NUMA1: variants seen among roughly 807,000 people sequenced by gnomAD.
The protein encoded by NUMA1 is nuclear mitotic apparatus protein 1.
Under a neutral mutation model 237.1 loss-of-function variants are expected in NUMA1, and 62 were observed. The observed-to-expected ratio is 0.26, with a 90% CI of 0.21 to 0.32. The LOEUF is 0.32. NUMA1 is among the 10% of genes least tolerant of loss of function. The pLI is 1.00. For synonymous variants in NUMA1, 1,028 were observed against 1,066.1 expected (o/e 0.96, Z 0.70); for missense variants, 2,533 against 2,666.5 (o/e 0.95, Z 1.10).
chr11:72,004,949 C>T, intron 23 of NUMA1, 133 bp from the exon 24 acceptor site: 3 of 923,626 alleles, frequency 3.2e-6, no homozygotes, highest in Non-Finnish European at 4.7e-6. Flanking sequence ...GGTAGAAAGA[C>T]ACAAGGCCTC....
At chr11:72,033,364 G>GTTTTTTTTTTTTTTTTTTTTTTTTTT in intron 3 of NUMA1, among the ~76,000 whole-genome samples, 1 of 144,672 alleles carries the variant, frequency 6.9e-6, no homozygotes, top group Admixed American at 7.0e-5. Flanking sequence ...CATGTTCTTT[G>GTTTTTTTTTTTTTTTTTTTTTTTTTT]TTTTTTTTTT....
intron 1 of NUMA1, among the ~76,000 whole-genome samples, chr11:72,073,479 A>C (rs1043742862): frequency 6.6e-6 from 1 of 152,208 alleles, no homozygotes; most frequent in Non-Finnish European, 1.5e-5. Flanking sequence ...AAGTTAGAGG[A>C]CTTGCAGAGG....
intron 13 of NUMA1, 147 bp downstream of exon 13, chr11:72,017,540 G>C: frequency 1.0e-6 from 1 of 994,846 alleles, no homozygotes. Context: ...CTAGACTGAA[G>C]CCCACAATCT....
chr11:72,018,795 C>T (rs2135194503), intron 10 of NUMA1, 28 bp downstream of exon 10: 1 of 1,600,092 alleles, frequency 6.2e-7, no homozygotes, highest in South Asian at 1.1e-5. Context: ...AGTCTATTCA[C>T]ACATCTGCCA....
intron 2 of NUMA1, chr11:72,066,859 A>G (rs1943224405): frequency 6.6e-6 from 1 of 152,238 alleles, no homozygotes; most frequent in Admixed American, 6.5e-5. Flanking sequence ...GGTACTAAAT[A>G]TGCTGCCTGA....
chr11:72,048,069 G>C (rs1942101320), intron 2 of NUMA1: 1 of 152,114 alleles, frequency 6.6e-6, no homozygotes, highest in Admixed American at 6.5e-5. Context: ...TAAGTAGTAA[G>C]TTGTCTACCT....
At chr11:72,019,015 C>T (rs377322446) in intron 9 of NUMA1, 35 bp from the exon 10 acceptor site, 20 of 1,608,652 alleles carry the variant, frequency 1.2e-5, no homozygotes, top group African/African-American at 6.7e-5. Context: ...CATTGGTAAG[C>T]GCCTAAGATC....
At chr11:72,017,272 C>A (rs1430064992) in intron 13 of NUMA1, 3 of 228,190 alleles carry the variant, frequency 1.3e-5, no homozygotes, top group Non-Finnish European at 1.8e-5. Context: ...CCAATAGTAA[C>A]AATCACAACT....
At chr11:72,030,805 T>G (rs1940205543) in intron 3 of NUMA1, among the ~76,000 whole-genome samples, 1 of 152,202 alleles carries the variant, frequency 6.6e-6, no homozygotes, top group Non-Finnish European at 1.5e-5. Context: ...TTCTCTATAT[T>G]TGGGCTGGGA....
chr11:72,031,898 G>A (rs1223426927), intron 3 of NUMA1, among the ~76,000 whole-genome samples: 7 of 151,730 alleles, frequency 4.6e-5, no homozygotes, highest in African/African-American at 1.7e-4. Flanking sequence ...GGGAGGACGA[G>A]GAGGGAGAAT....
rs1403318656 is a variant in NUMA1, at chr11:72,015,708, G to A, written c.1795C>T (p.Arg599Trp). 21 of 1,613,892 alleles carry A rather than the reference G, an allele frequency of 1.3e-5. No individual in the cohort carries two copies. The highest frequency in any genetic ancestry group is 3.3e-5 in the South Asian group (3 of 91,086). Residue 599 changes from arginine (R) to tryptophan (W), a missense_variant, in exon 15 of 27, where the codon CGG becomes TGG. By Grantham distance (101) the Arg-to-Trp change is moderately radical. Coordinates refer to ENST00000393695, the MANE Select transcript of NUMA1 (RefSeq NM_006185.4). The surrounding 1 kb of genome is among the most constrained non-coding windows in gnomAD (Gnocchi z 4.0). ...AEEREASLRE[R>W]DAALKQLEAL... Reference sequence around the variant, plus strand: ...TCCAGCTGCTTGAGAGCCGCATCCCGCTCCCTTAAGGAGGCCTCTCGCTCC... The same window carrying A: ...TCCAGCTGCTTGAGAGCCGCATCCCACTCCCTTAAGGAGGCCTCTCGCTCC...
intron 20 of NUMA1, 68 bp from the exon 21 acceptor site, chr11:72,007,503 A>AAGCTGT: frequency 6.4e-7 from 1 of 1,571,246 alleles, no homozygotes; most frequent in Non-Finnish European, 8.6e-7. Context: ...GCCCTTTTTG[A>AAGCTGT]AAGTGACCAT....
intron 17 of NUMA1, 148 bp downstream of exon 17, chr11:72,010,638 G>T (rs543414888): frequency 1.4e-6 from 1 of 729,594 alleles, no homozygotes; most frequent in Non-Finnish European, 2.3e-6. Flanking sequence ...GACACATGCA[G>T]GGGCTTCTAA....
At chr11:72,017,566 C>T (rs763547450) in intron 13 of NUMA1, 121 bp downstream of exon 13, 4 of 1,193,696 alleles carry the variant, frequency 3.4e-6, no homozygotes, top group Admixed American at 1.7e-5. Flanking sequence ...TTACAGCACA[C>T]TATTGAACCT....
At chr11:72,067,987 CCTT>C (rs1943274537) in intron 2 of NUMA1, 1 of 152,204 alleles carries the variant, frequency 6.6e-6, no homozygotes, top group African/African-American at 2.4e-5. Flanking sequence ...TTCCTGCCTA[CCTT>C]TTTTCAAACC....
intron 2 of NUMA1, chr11:72,065,475 A>C (rs1379040538): frequency 1.3e-5 from 2 of 152,228 alleles, no homozygotes; most frequent in African/African-American, 4.8e-5. Context: ...AGCAGAATAT[A>C]AAATTTTAGG....
At chr11:72,003,737 G>A (rs1279933631) in intron 26 of NUMA1, 150 bp downstream of exon 26, 2 of 1,010,506 alleles carry the variant, frequency 2.0e-6, no homozygotes, top group African/African-American at 1.6e-5. Flanking sequence ...TTCTCTCCTT[G>A]GAGAGGAGCT....
chr11:72,005,437 C>G lies in NUMA1; in HGVS notation c.5693-68G>C, dbSNP rs1955621485. 4.0e-6 allele frequency: 6 copies of G among 1,507,500 alleles called. No individual in the cohort carries two copies. In the South Asian group the frequency reaches 4.8e-5, roughly 12 times the overall value. 93.4% of individuals were successfully genotyped at this position (1,507,500 alleles called of 1,614,324 possible). A position where few individuals can be genotyped will look rare whatever the true frequency, so the allele number is the denominator to read the frequency against. On this transcript the variant is annotated intron_variant, in intron 22 of 26. Transcript: ENST00000393695. ...GCAGGTCACCTCCTGGCCCTGGCATCTTGCCAGCCTTTGCTGCCACCTACC... is the reference window on the plus strand; with the variant it reads ...GCAGGTCACCTCCTGGCCCTGGCATGTTGCCAGCCTTTGCTGCCACCTACC...
intron 2 of NUMA1, chr11:72,066,932 T>C (rs1943227168): frequency 6.6e-6 from 1 of 152,194 alleles, no homozygotes; most frequent in Non-Finnish European, 1.5e-5. Flanking sequence ...GGATGGCAAA[T>C]TGTCAAAGCT....
Sources: allele counts gnomAD v4.1 joint callset (sites outside exome capture counted in the v4.1 genomes callset), GRCh38; gene constraint gnomAD v4.1.1; non-coding constraint Gnocchi (gnomAD v3.1); transcripts MANE v1.5; gene names NCBI Gene and HGNC (gene_info 2026-07-23, HGNC 2026-07-21).